The following LARP4B variants were observed in gnomAD, a reference collection of about 807,000 sequenced individuals.
LARP4B encodes the protein la-related protein 4B.
Under a neutral mutation model 89.8 loss-of-function variants are expected in LARP4B, and 12 were observed. The ratio of observed to expected loss-of-function variants is 0.13; its 90% confidence interval spans 0.09 to 0.22. LARP4B has a LOEUF of 0.22. LARP4B is among the 10% of genes least tolerant of loss of function. The probability of loss-of-function intolerance (pLI) is 1.00; values close to 1 mark genes in which losing one functional copy is unlikely to be tolerated. For synonymous variants in LARP4B, 367 were observed against 363.3 expected, an observed-to-expected ratio of 1.01 and a Z score of -0.12; for missense variants, 757 against 947.7, an observed-to-expected ratio of 0.80 and a Z score of 2.64.
Position 822,893 on chromosome 10 carries a change from T to C in LARP4B, c.1485-2048A>G, listed in dbSNP as rs563115368. On this transcript the variant is annotated intron_variant, in intron 13 of 17. Transcript: ENST00000316157. This position sits in a 1 kb window ranked among gnomAD's most constrained non-coding sequence, Gnocchi z 4.6. The stretch of plus-strand genomic sequence containing the variant: ...TGGCCGCCATGCAAGGGTAGGGACA[T>C]GTGTCTGGACTCTGGTAAGGGGTTC... Among the ~76,000 whole-genome samples, 2 of 152,310 alleles carry C rather than the reference T, an allele frequency of 1.3e-5. No homozygotes were observed. Among genetic ancestry groups the C allele is most frequent in the African/African-American group, 4.8e-5 (2 of 41,568 alleles).
intron 5 of LARP4B, among the ~76,000 whole-genome samples, chr10:848,471 T>C (rs539509782): frequency 1.3e-5 from 2 of 151,662 alleles, no homozygotes; most frequent in African/African-American, 2.4e-5. Flanking sequence ...AATCCAGAAC[T>C]GACACAGATG....
In LARP4B at chr10:809,767, C is replaced by T. The variant is rs1318968995; in HGVS notation, c.*3159G>A. 2 of 152,718 alleles carry T rather than the reference C, an allele frequency of 1.3e-5. No homozygotes were observed. The highest frequency in any genetic ancestry group is 6.5e-5 in the Admixed American group (1 of 15,286). 9.5% of individuals were successfully genotyped at this position (152,718 alleles called of 1,614,324 possible). A position where few individuals can be genotyped will look rare whatever the true frequency, so the allele number is the denominator to read the frequency against. On this transcript the variant is annotated 3_prime_UTR_variant, in exon 18 of 18. Transcript: ENST00000316157. ...GCGCCCTCGCCTCGATTGTCTGCAG[C>T]CCTGTAGTGGGCCGCGAGGCACGCA...
the LARP4B span, among the ~76,000 whole-genome samples, chr10:984,461 C>G: frequency 6.6e-6 from 1 of 152,158 alleles, no homozygotes; most frequent in Non-Finnish European, 1.5e-5. Context: ...ATGTTTTTAA[C>G]AGTGTGTCAA....
At chr10:954,377 C>T in the LARP4B span, among the ~76,000 whole-genome samples, 2 of 152,192 alleles carry the variant, frequency 1.3e-5, no homozygotes, top group Admixed American at 1.3e-4. The surrounding 1 kb of genome is among the most constrained non-coding windows in gnomAD (Gnocchi z 5.0). Context: ...AAAGGGGGCT[C>T]TAAACAACCA....
At chr10:832,847 T>A (rs887631319) in intron 8 of LARP4B, among the ~76,000 whole-genome samples, 2 of 152,162 alleles carry the variant, frequency 1.3e-5, no homozygotes, top group African/African-American at 4.8e-5. Flanking sequence ...AAAGTCCAGA[T>A]TGACATAAAG....
chr10:835,039 CA>C (rs34825774), intron 8 of LARP4B, among the ~76,000 whole-genome samples: 155 of 93,452 alleles, frequency 1.7e-3, no homozygotes, highest in Admixed American at 2.2e-3. Flanking sequence ...GACTCCGTCT[CA>C]AAAAAAAAAA....
the LARP4B span, among the ~76,000 whole-genome samples, chr10:939,533 C>G: frequency 1.3e-5 from 2 of 152,216 alleles, no homozygotes; most frequent in Admixed American, 6.5e-5. Flanking sequence ...ATGTCTGGGA[C>G]TGCAGCTTGT....
chr10:916,668 C>G (rs547332953), intron 1 of LARP4B, among the ~76,000 whole-genome samples: 1 of 152,150 alleles, frequency 6.6e-6, no homozygotes, highest in Non-Finnish European at 1.5e-5. Flanking sequence ...GCACTCCAGC[C>G]TGGGCAACAA....
the LARP4B span, among the ~76,000 whole-genome samples, chr10:977,086 T>C: frequency 6.6e-6 from 1 of 152,344 alleles, no homozygotes; most frequent in South Asian, 2.1e-4. Context: ...ATCAGTGGCA[T>C]GAGTTTAAAT....
chr10:843,115 A>T, intron 6 of LARP4B, 47 bp from the exon 7 acceptor site: 1 of 1,547,444 alleles, frequency 6.5e-7, no homozygotes, highest in Non-Finnish European at 8.9e-7. Context: ...CTTTAAAAGG[A>T]AGTTTCACCT....
intron 8 of LARP4B, among the ~76,000 whole-genome samples, chr10:832,204 C>T (rs930625170): frequency 3.3e-5 from 5 of 152,106 alleles, no homozygotes; most frequent in East Asian, 3.9e-4. Context: ...CCACCGCGCC[C>T]GGCTAATTTT....
intron 3 of LARP4B, among the ~76,000 whole-genome samples, chr10:864,823 CAT>C: frequency 6.6e-6 from 1 of 152,090 alleles, no homozygotes; most frequent in African/African-American, 2.4e-5. Context: ...CGTGGTGGCG[CAT>C]GCCTGTAATC....
intron 1 of LARP4B, among the ~76,000 whole-genome samples, chr10:929,382 G>T (rs1389662017): frequency 6.6e-6 from 1 of 152,164 alleles, no homozygotes; most frequent in African/African-American, 2.4e-5. Context: ...ATCACTTGAG[G>T]CCAGGAGTTC....
At chr10:882,247 T>C (rs535031415) in intron 3 of LARP4B, among the ~76,000 whole-genome samples, 2 of 152,272 alleles carry the variant, frequency 1.3e-5, no homozygotes, top group Admixed American at 6.5e-5. Flanking sequence ...AATTATACTT[T>C]AATAAAGTTT....
Position 811,211 on chromosome 10 carries a change from A to G in LARP4B, c.*1715T>C, listed in dbSNP as rs11816921. ...AAAGAAAATCTCAACAAATCAAAAT[A>G]ATATTCAAACCACAACATTTAGTTT... On this transcript the variant is annotated 3_prime_UTR_variant, in exon 18 of 18. Coordinates refer to ENST00000316157, the MANE Select transcript of LARP4B (RefSeq NM_015155.3). 0.033 allele frequency: 5,072 copies of G among 152,756 alleles called. 107 individuals are homozygous for G. Among genetic ancestry groups the G allele is most frequent in the Admixed American group, 0.066 (1,008 of 15,300 alleles). The allele number at this position is 152,756 out of a possible 1,614,324, so 9.5% of individuals were successfully genotyped here.
the LARP4B span, among the ~76,000 whole-genome samples, chr10:980,596 C>G: frequency 6.6e-6 from 1 of 152,218 alleles, no homozygotes; most frequent in Non-Finnish European, 1.5e-5. Flanking sequence ...GCGGTCCAAG[C>G]TATAACTGGG....
intron 14 of LARP4B, chr10:818,517 C>T (rs950946867): frequency 6.6e-6 from 1 of 152,186 alleles, no homozygotes; most frequent in Non-Finnish European, 1.5e-5. Flanking sequence ...TAATCAGATT[C>T]TTTGACTTCC....
intron 7 of LARP4B, among the ~76,000 whole-genome samples, chr10:837,332 C>T (rs1833272848): frequency 6.6e-6 from 1 of 152,140 alleles, no homozygotes; most frequent in Admixed American, 6.6e-5. Flanking sequence ...TTTTAAAGAC[C>T]TACATAAAGA....
intron 1 of LARP4B, among the ~76,000 whole-genome samples, chr10:895,002 A>G (rs1165422264): frequency 6.6e-6 from 1 of 152,166 alleles, no homozygotes; most frequent in Non-Finnish European, 1.5e-5. Flanking sequence ...CTCGGGCAAC[A>G]CAGTGAAACC....
Sources: gnomAD v4.1 joint callset for allele counts (sites outside exome capture counted in the v4.1 genomes callset) on GRCh38, gnomAD v4.1.1 for gene constraint, Gnocchi (gnomAD v3.1) non-coding constraint, MANE v1.5 for transcripts, NCBI Gene and HGNC (gene_info 2026-07-23, HGNC 2026-07-21) for gene names.